PDGFC: variants seen among roughly 807,000 people sequenced by gnomAD.
PDGFC encodes platelet-derived growth factor C.
A neutral mutation model predicts 35.5 loss-of-function variants in PDGFC; 12 were observed. That is an observed-to-expected ratio of 0.34 (90% CI 0.22 to 0.55). The LOEUF is 0.55. Among genes scored for constraint, PDGFC ranks in the 20% least tolerant of loss-of-function variants. The pLI is 0.91. For synonymous variants in PDGFC, 159 were observed against 148.8 expected, an observed-to-expected ratio of 1.07 and a Z score of -0.50; for missense variants, 322 against 412.4, an observed-to-expected ratio of 0.78 and a Z score of 1.90.
chr4:156,961,652 A>T (rs990206002), intron 1 of PDGFC, among the ~76,000 whole-genome samples: 1 of 152,158 alleles, frequency 6.6e-6, no homozygotes, highest in African/African-American at 2.4e-5. Flanking sequence ...TACTCAATGA[A>T]GTGTAACCTC....
intron 1 of PDGFC, among the ~76,000 whole-genome samples, chr4:156,927,421 C>T (rs1342178570): frequency 6.6e-6 from 1 of 152,182 alleles, no homozygotes; most frequent in Non-Finnish European, 1.5e-5. Context: ...ATTTTCACAA[C>T]TTTAATGCTC....
chr4:156,840,967 T>C (rs182217427), intron 2 of PDGFC, among the ~76,000 whole-genome samples: 121 of 152,310 alleles, frequency 7.9e-4, no homozygotes, highest in African/African-American at 2.8e-3. Context: ...CCCCATTGTA[T>C]CTAGGAAGTA....
chr4:156,890,672 A>G (rs1218810800), intron 1 of PDGFC, among the ~76,000 whole-genome samples: 1 of 152,194 alleles, frequency 6.6e-6, no homozygotes, highest in Non-Finnish European at 1.5e-5. Flanking sequence ...CAGGAACAAG[A>G]TCTCTTTTTA....
chr4:156,950,512 CTTT>C (rs958650060), intron 1 of PDGFC, among the ~76,000 whole-genome samples: 1 of 151,750 alleles, frequency 6.6e-6, no homozygotes, highest in Non-Finnish European at 1.5e-5. Flanking sequence ...AGTCTAACTG[CTTT>C]TTAAGATTTT....
chr4:156,830,860 C>T (rs2111020742), intron 2 of PDGFC, among the ~76,000 whole-genome samples: 1 of 152,284 alleles, frequency 6.6e-6, no homozygotes, highest in Non-Finnish European at 1.5e-5. Context: ...TCCACTTCTC[C>T]TTCAGATTTC....
At chr4:156,821,791 C>A (rs1264433487) in intron 2 of PDGFC, among the ~76,000 whole-genome samples, 2 of 152,084 alleles carry the variant, frequency 1.3e-5, no homozygotes, top group Admixed American at 1.3e-4. Flanking sequence ...CTCAACTGAT[C>A]CCCCTGCCTT....
At chr4:156,910,560 T>A (rs751296029) in intron 1 of PDGFC, among the ~76,000 whole-genome samples, 1 of 152,052 alleles carries the variant, frequency 6.6e-6, no homozygotes, top group Non-Finnish European at 1.5e-5. Flanking sequence ...TGTCCAAGAG[T>A]GTAATTTCTG....
At chr4:156,818,378 A>G (rs1732149865) in intron 2 of PDGFC, among the ~76,000 whole-genome samples, 1 of 151,844 alleles carries the variant, frequency 6.6e-6, no homozygotes, top group South Asian at 2.1e-4. Flanking sequence ...TCAGCAATGG[A>G]GCTGTTTTGC....
intron 2 of PDGFC, among the ~76,000 whole-genome samples, chr4:156,811,936 G>T (rs1214810138): frequency 6.6e-6 from 1 of 152,030 alleles, no homozygotes; most frequent in African/African-American, 2.4e-5. Context: ...TTTGCCCCAT[G>T]TCCTCCATGC....
intron 2 of PDGFC, among the ~76,000 whole-genome samples, chr4:156,814,488 T>A (rs1732025435): frequency 6.6e-6 from 1 of 152,066 alleles, no homozygotes; most frequent in Non-Finnish European, 1.5e-5. Context: ...CTAAAAAGTA[T>A]CATTGGATTT....
At chr4:156,803,727 T>C (rs1274785027) in intron 3 of PDGFC, among the ~76,000 whole-genome samples, 1 of 152,118 alleles carries the variant, frequency 6.6e-6, no homozygotes, top group Non-Finnish European at 1.5e-5. Context: ...CAAAATTAAC[T>C]GACAAAATTA....
At chr4:156,922,787 AGAG>A (rs1158845693) in intron 1 of PDGFC, among the ~76,000 whole-genome samples, 1 of 152,152 alleles carries the variant, frequency 6.6e-6, no homozygotes, top group Non-Finnish European at 1.5e-5. Context: ...TCGAGGAAGC[AGAG>A]GAGTGCTGGG....
At chr4:156,923,521 G>A (rs1332005282) in intron 1 of PDGFC, among the ~76,000 whole-genome samples, 1 of 152,156 alleles carries the variant, frequency 6.6e-6, no homozygotes, top group East Asian at 1.9e-4. Flanking sequence ...GTTGTAGAAG[G>A]CGATTAATTT....
At chr4:156,905,989 T>A (rs969701712) in intron 1 of PDGFC, among the ~76,000 whole-genome samples, 2 of 152,122 alleles carry the variant, frequency 1.3e-5, no homozygotes, top group Non-Finnish European at 2.9e-5. Context: ...AAACCCAGTA[T>A]TAAAAGATGC....
chr4:156,923,663 C>T (rs1465682323), intron 1 of PDGFC, among the ~76,000 whole-genome samples: 2 of 152,284 alleles, frequency 1.3e-5, no homozygotes, highest in Non-Finnish European at 2.9e-5. Context: ...ACATTTGCTA[C>T]TAGTTGCTCA....
At chr4:156,864,269 T>C (rs944557905) in intron 1 of PDGFC, among the ~76,000 whole-genome samples, 1 of 152,102 alleles carries the variant, frequency 6.6e-6, no homozygotes, top group South Asian at 2.1e-4. Flanking sequence ...AGATCCCCCA[T>C]ATTCTACAAA....
intron 4 of PDGFC, among the ~76,000 whole-genome samples, chr4:156,768,277 CTT>C (rs1177084439): frequency 1.4e-5 from 2 of 147,136 alleles, no homozygotes; most frequent in Non-Finnish European, 3.0e-5. Flanking sequence ...AAATAGGAAA[CTT>C]TATACAGACA....
intron 1 of PDGFC, among the ~76,000 whole-genome samples, chr4:156,970,393 G>A (rs1732562740): frequency 6.6e-6 from 1 of 152,014 alleles, no homozygotes; most frequent in Non-Finnish European, 1.5e-5. Flanking sequence ...TTTCCTGACC[G>A]ACCCCCCTCG....
intron 1 of PDGFC, among the ~76,000 whole-genome samples, chr4:156,870,232 A>G (rs1361561619): frequency 1.3e-5 from 2 of 152,112 alleles, no homozygotes; most frequent in African/African-American, 4.8e-5. Flanking sequence ...AACTCTTTCT[A>G]TATATTTATA....
Sources: allele counts gnomAD v4.1 joint callset (sites outside exome capture counted in the v4.1 genomes callset), GRCh38; gene constraint gnomAD v4.1.1; transcripts MANE v1.5; gene names NCBI Gene and HGNC (gene_info 2026-07-23, HGNC 2026-07-21).